The following PARD3 variants were observed in gnomAD, a reference collection of about 807,000 sequenced individuals.
PARD3 encodes the protein par-3 family cell polarity regulator, also known as partitioning defective 3 homolog.
Under a neutral mutation model 155.4 loss-of-function variants are expected in PARD3, and 75 were observed. The observed-to-expected ratio is 0.48, with a 90% confidence interval of 0.40 to 0.58. The LOEUF is 0.58. Ranked by LOEUF, PARD3 falls within the 20% of genes least tolerant of loss-of-function variation. The pLI, the probability that PARD3 is intolerant of heterozygous loss-of-function variation, is 0.00. For missense variants in PARD3, 1,642 were observed against 1,721.7 expected (o/e 0.95, Z 0.82); for synonymous variants, 576 against 610.5 (o/e 0.94, Z 0.83).
intron 20 of PARD3, among the ~76,000 whole-genome samples, chr10:34,288,889 G>A (rs1402973840): frequency 6.6e-6 from 1 of 152,150 alleles, no homozygotes; most frequent in African/African-American, 2.4e-5. Flanking sequence ...CAGGCTGAAA[G>A]GTAAAGTGGC....
intron 2 of PARD3, among the ~76,000 whole-genome samples, chr10:34,526,916 G>A (rs1055371416): frequency 6.6e-6 from 1 of 152,010 alleles, no homozygotes; most frequent in Non-Finnish European, 1.5e-5. Context: ...CTTCCTTAAC[G>A]CATCACTCAT....
intron 20 of PARD3, among the ~76,000 whole-genome samples, chr10:34,288,075 G>A (rs1163208210): frequency 6.6e-6 from 1 of 152,052 alleles, no homozygotes; most frequent in African/African-American, 2.4e-5. Context: ...GCTGGGTGTG[G>A]TGGTACACAC....
chr10:34,155,051 AGGAG>A (rs1486439077), intron 22 of PARD3, among the ~76,000 whole-genome samples: 1 of 152,184 alleles, frequency 6.6e-6, no homozygotes, highest in African/African-American at 2.4e-5. Flanking sequence ...GGAAAATAAG[AGGAG>A]GGAGTGATCA....
intron 1 of PARD3, among the ~76,000 whole-genome samples, chr10:34,718,439 T>G (rs2094554991): frequency 7.1e-6 from 1 of 141,754 alleles, no homozygotes; most frequent in Non-Finnish European, 1.5e-5. Flanking sequence ...GCCAGAGGAT[T>G]GCTTGAACCC....
At chr10:34,253,304 C>A (rs1954441275) in intron 22 of PARD3, among the ~76,000 whole-genome samples, 1 of 152,182 alleles carries the variant, frequency 6.6e-6, no homozygotes, top group Non-Finnish European at 1.5e-5. Context: ...AGTTCTTTAA[C>A]CCCTCATGCT....
At chr10:34,483,475 C>G (rs1031843524) in intron 3 of PARD3, among the ~76,000 whole-genome samples, 8 of 132,630 alleles carry the variant, frequency 6.0e-5, no homozygotes, top group African/African-American at 2.5e-4. Flanking sequence ...GAGTGAGACT[C>G]TGTCACCAAA....
intron 15 of PARD3, chr10:34,345,148 A>G: frequency 1.0e-6 from 1 of 985,382 alleles, no homozygotes; most frequent in East Asian, 1.1e-4. Flanking sequence ...GAAATAGCCA[A>G]AAACAAAGTA....
At chr10:34,628,261 A>C (rs892532716) in intron 2 of PARD3, among the ~76,000 whole-genome samples, 1 of 152,250 alleles carries the variant, frequency 6.6e-6, no homozygotes, top group African/African-American at 2.4e-5. Flanking sequence ...GCTCAAGCAC[A>C]TACTCTGCTG....
intron 1 of PARD3, among the ~76,000 whole-genome samples, chr10:34,711,598 T>A (rs1300336258): frequency 2.0e-5 from 3 of 152,210 alleles, no homozygotes; most frequent in Non-Finnish European, 4.4e-5. Flanking sequence ...ATTTTTTTAC[T>A]CTAGATAAGG....
intron 2 of PARD3, among the ~76,000 whole-genome samples, chr10:34,665,895 C>CAGAACAGAACAGAAA (rs2093453483): frequency 7.0e-6 from 1 of 142,536 alleles, no homozygotes. Context: ...CAGAACAGAA[C>CAGAACAGAACAGAAA]AGAACAGAAC....
At chr10:34,469,308 G>C (rs1412509076) in intron 4 of PARD3, among the ~76,000 whole-genome samples, 1 of 152,104 alleles carries the variant, frequency 6.6e-6, no homozygotes, top group Non-Finnish European at 1.5e-5. Context: ...ATGGGGTTTT[G>C]CTATGTTGGC....
intron 12 of PARD3, among the ~76,000 whole-genome samples, chr10:34,368,668 T>A (rs1439316980): frequency 6.7e-6 from 1 of 150,054 alleles, no homozygotes; most frequent in African/African-American, 2.5e-5. Flanking sequence ...CGAGACTCCA[T>A]CTCAAACAAA....
intron 1 of PARD3, among the ~76,000 whole-genome samples, chr10:34,726,622 G>A (rs1005305113): frequency 3.3e-5 from 5 of 152,030 alleles, no homozygotes; most frequent in East Asian, 1.9e-4. Context: ...TTAGCTGGGC[G>A]TGGTGACAGG....
intron 3 of PARD3, among the ~76,000 whole-genome samples, chr10:34,510,332 G>A (rs751500646): frequency 9.2e-5 from 14 of 152,096 alleles, no homozygotes; most frequent in Non-Finnish European, 1.5e-4. Context: ...GGGAGCCTCC[G>A]TCAAAGGCAA....
intron 2 of PARD3, among the ~76,000 whole-genome samples, chr10:34,607,049 A>G (rs930438780): frequency 4.6e-5 from 7 of 151,940 alleles, no homozygotes; most frequent in South Asian, 4.2e-4. Context: ...AGATAGATGC[A>G]TAAGATGAGA....
At chr10:34,414,184 C>T (rs893169187) in intron 5 of PARD3, among the ~76,000 whole-genome samples, 3 of 150,394 alleles carry the variant, frequency 2.0e-5, no homozygotes, top group Admixed American at 6.6e-5. Context: ...GGTGACAGAG[C>T]GACTCCAGCC....
chr10:34,776,431 A>AAC (rs1175661966), intron 1 of PARD3, among the ~76,000 whole-genome samples: 4 of 152,204 alleles, frequency 2.6e-5, no homozygotes, highest in African/African-American at 9.7e-5. Flanking sequence ...CAGTTTTTAA[A>AAC]ACAGCAGATC....
At chr10:34,341,123 A>C (rs1217102505) in intron 16 of PARD3, among the ~76,000 whole-genome samples, 1 of 151,512 alleles carries the variant, frequency 6.6e-6, no homozygotes, top group Admixed American at 6.6e-5. Flanking sequence ...GGAGTGCCCC[A>C]GAAGTCACTA....
At chr10:34,643,781 G>A (rs1163320928) in intron 2 of PARD3, among the ~76,000 whole-genome samples, 2 of 152,120 alleles carry the variant, frequency 1.3e-5, no homozygotes, top group African/African-American at 2.4e-5. Flanking sequence ...ACTGGGCATG[G>A]TGGTGCGCAC....
Sources: allele counts gnomAD v4.1 joint callset (sites outside exome capture counted in the v4.1 genomes callset), GRCh38; gene constraint gnomAD v4.1.1; transcripts MANE v1.5; gene names NCBI Gene and HGNC (gene_info 2026-07-23, HGNC 2026-07-21).